RAPGEF2: variants seen among roughly 807,000 people sequenced by gnomAD.
The protein encoded by RAPGEF2 is PDZ domain containing guanine nucleotide exchange factor (GEF) 1.
Under a neutral mutation model 186.7 loss-of-function variants are expected in RAPGEF2, and 54 were observed. The observed-to-expected ratio is 0.29, with a 90% CI of 0.23 to 0.36. The LOEUF (loss-of-function observed/expected upper bound fraction) is 0.36. Among genes scored for constraint, RAPGEF2 ranks in the 10% least tolerant of loss-of-function variants. The pLI is 1.00. For missense variants in RAPGEF2, 1,532 were observed against 2,045.0 expected (o/e 0.75, Z 4.84); for synonymous variants, 712 against 705.9 (o/e 1.01, Z -0.14).
chr4:159,118,627 C>T (rs1374793761), intron 1 of RAPGEF2, among the ~76,000 whole-genome samples: 1 of 151,972 alleles, frequency 6.6e-6, no homozygotes, highest in Non-Finnish European at 1.5e-5. Context: ...CTCTTGTTGC[C>T]CAGGCTGGAG....
chr4:159,130,630 T>TA (rs1258238585), intron 1 of RAPGEF2, among the ~76,000 whole-genome samples: 9 of 152,172 alleles, frequency 5.9e-5, no homozygotes, highest in Non-Finnish European at 1.2e-4. Flanking sequence ...GTTAGTAGAG[T>TA]AGGACTGGAA....
chr4:159,354,890 C>T (rs750224907), intron 28 of RAPGEF2, among the ~76,000 whole-genome samples: 14 of 152,064 alleles, frequency 9.2e-5, no homozygotes, highest in African/African-American at 2.9e-4. Context: ...TCTATATAGA[C>T]GAAGTGTAGG....
chr4:159,238,943 T>C (rs1753621639), intron 5 of RAPGEF2, 59 bp downstream of exon 5: 1 of 1,149,834 alleles, frequency 8.7e-7, no homozygotes, highest in African/African-American at 1.6e-5. Flanking sequence ...AATAAAGGCA[T>C]TTTTATAAAC....
chr4:159,250,659 ACTC>A (rs954149678), intron 7 of RAPGEF2, among the ~76,000 whole-genome samples: 3 of 127,460 alleles, frequency 2.4e-5, no homozygotes, highest in African/African-American at 9.8e-5. Context: ...AATTATTAGC[ACTC>A]TTCTTTTTTT....
Position 159,174,856 on chromosome 4 carries a change from A to T in RAPGEF2, c.70-11786A>T, listed in dbSNP as rs181821487. 1.3e-3 allele frequency among the ~76,000 whole-genome samples: 201 copies of T among 151,772 alleles called. 3 individuals are homozygous for T. The highest frequency in any genetic ancestry group is 2.2e-4 in the Non-Finnish European group (15 of 67,966). On this transcript the variant is annotated intron_variant, in intron 1 of 29. Transcript: ENST00000691494. Reference sequence around the variant, plus strand: ...ACTGTAGCCTTAACTTCCCGGGCTCAAGTGATTCTCCTACCTCAGCTTCTC... The same window carrying T: ...ACTGTAGCCTTAACTTCCCGGGCTCTAGTGATTCTCCTACCTCAGCTTCTC...
At chr4:159,262,472 C>T (rs993594381) in intron 7 of RAPGEF2, among the ~76,000 whole-genome samples, 2 of 152,184 alleles carry the variant, frequency 1.3e-5, no homozygotes, top group Admixed American at 1.3e-4. Flanking sequence ...TGTTCAAGGA[C>T]TCCACCTCTG....
At chr4:159,323,221 C>T (rs1765472162) in intron 10 of RAPGEF2, among the ~76,000 whole-genome samples, 1 of 152,046 alleles carries the variant, frequency 6.6e-6, no homozygotes, top group Non-Finnish European at 1.5e-5. Flanking sequence ...AGAAGAATAT[C>T]CAAAGTCAAA....
chr4:159,266,958 G>A, intron 7 of RAPGEF2: 1 of 246,508 alleles, frequency 4.1e-6, no homozygotes, highest in East Asian at 8.6e-5. Flanking sequence ...ATAGAATACA[G>A]GCAAGAGCTT....
rs200092434 is a variant in RAPGEF2 at position 159,137,695 on chromosome 4, G to A, written c.69+33464G>A. Among the ~76,000 whole-genome samples, 3 of 72,914 alleles carry A rather than the reference G, an allele frequency of 4.1e-5. No homozygotes were observed. In the East Asian group the frequency reaches 1.1e-3, roughly 26 times the overall value. 47.8% of individuals were successfully genotyped at this position (72,914 alleles called of 152,430 possible). The stretch of plus-strand genomic sequence containing the variant: ...CATTCTAGGAAATGAGAATGAGTTT[G>A]TGAAAAATAAATGCAAAAAAAAAAA... On this transcript the variant is annotated intron_variant, in intron 1 of 29. Coordinates refer to ENST00000691494, the MANE Select transcript of RAPGEF2 (RefSeq NM_001394067.2).
At chr4:159,155,917 T>C (rs181814993) in intron 1 of RAPGEF2, among the ~76,000 whole-genome samples, 1 of 152,340 alleles carries the variant, frequency 6.6e-6, no homozygotes, top group East Asian at 1.9e-4. Context: ...TTATAACTTT[T>C]ACTTTGATTC....
intron 4 of RAPGEF2, among the ~76,000 whole-genome samples, chr4:159,220,831 G>A (rs190004652): frequency 6.6e-6 from 1 of 152,238 alleles, no homozygotes; most frequent in Non-Finnish European, 1.5e-5. Flanking sequence ...GCTAAATTCT[G>A]TTGGGTCAGA....
At chr4:159,249,073 G>A (rs542451868) in intron 7 of RAPGEF2, among the ~76,000 whole-genome samples, 7 of 152,242 alleles carry the variant, frequency 4.6e-5, no homozygotes, top group African/African-American at 7.2e-5. Flanking sequence ...TTTATTTGTC[G>A]AAAAGATCAC....
intron 29 of RAPGEF2, 144 bp from the exon 30 acceptor site, chr4:159,357,967 GAAA>G (rs1177355068): frequency 4.8e-5 from 35 of 733,456 alleles, no homozygotes; most frequent in Non-Finnish European, 6.8e-5. Context: ...CATTGTTTAG[GAAA>G]AAAAGACAAG....
chr4:159,219,169 C>T (rs888996092), intron 4 of RAPGEF2, among the ~76,000 whole-genome samples: 1 of 152,048 alleles, frequency 6.6e-6, no homozygotes, highest in South Asian at 2.1e-4. Flanking sequence ...TGCACCTAAT[C>T]CAGCAACAGG....
rs1227175129 is a variant in RAPGEF2 at position 159,273,682 on chromosome 4, CT to C, written c.543+29894del. ...TCTTTCTTTCTTTCTTTCTTTCTTT[CT>C]TTCTTTCTTTCTTTCTTTCTCAATT... On this transcript the variant is annotated intron_variant, in intron 7 of 29. Coordinates refer to ENST00000691494, the MANE Select transcript of RAPGEF2 (RefSeq NM_001394067.2). Among the ~76,000 whole-genome samples the C allele has an allele frequency of 4.1e-5, 6 of 144,974 alleles. No homozygotes were observed. The East Asian group carries it at 1.2e-3, about 29-fold the overall frequency.
At chr4:159,350,946 G>T in intron 26 of RAPGEF2, 2 of 1,233,116 alleles carry the variant, frequency 1.6e-6, no homozygotes, top group Non-Finnish European at 2.2e-6. Flanking sequence ...GACTCAACAG[G>T]TATTGCTTTA....
At chr4:159,332,227 C>T (rs1340295178) in intron 16 of RAPGEF2, among the ~76,000 whole-genome samples, 193 bp downstream of exon 16, 1 of 151,822 alleles carries the variant, frequency 6.6e-6, no homozygotes, top group East Asian at 1.9e-4. Context: ...CTAAAATAAC[C>T]GTAAAGAGTA....
intron 1 of RAPGEF2, among the ~76,000 whole-genome samples, chr4:159,147,809 C>T (rs979484349): frequency 1.7e-4 from 26 of 152,338 alleles, no homozygotes; most frequent in Admixed American, 4.6e-4. Flanking sequence ...TACCTAATCT[C>T]TCAGTGCCTT....
Position 159,344,060 on chromosome 4 carries a change from G to T in RAPGEF2, c.3278+1G>T. On this transcript the variant is annotated splice_donor_variant, in intron 23 of 29. Coordinates refer to ENST00000691494, the MANE Select transcript of RAPGEF2 (RefSeq NM_001394067.2). LOFTEE classifies it high-confidence loss of function. ...GGAAGAAGAAATGGCGGAGTTTGGG[G>T]TAAGTGGTGGAGACCTTGCATACCC... The T allele has an allele frequency of 6.5e-7, 1 of 1,533,338 alleles. No individual in the cohort carries two copies. Among genetic ancestry groups the T allele is most frequent in the Non-Finnish European group, 9.0e-7 (1 of 1,106,606 alleles). 95.0% of individuals were successfully genotyped at this position (1,533,338 alleles called of 1,614,324 possible).
Sources: allele counts gnomAD v4.1 joint callset (sites outside exome capture counted in the v4.1 genomes callset), GRCh38; gene constraint gnomAD v4.1.1; transcripts MANE v1.5; gene names NCBI Gene and HGNC (gene_info 2026-07-23, HGNC 2026-07-21).